SCN2A: variants seen among roughly 807,000 people sequenced by gnomAD.
SCN2A encodes the protein sodium voltage-gated channel alpha subunit 2.
SCN2A carries 20 observed loss-of-function variants against 188.7 expected under a neutral mutation model. The ratio of observed to expected loss-of-function variants is 0.11; its 90% confidence interval spans 0.07 to 0.15. The LOEUF is 0.15. Among genes scored for constraint, SCN2A ranks in the 10% least tolerant of loss-of-function variants. The pLI is 1.00. For synonymous variants in SCN2A, 804 were observed against 833.1 expected (o/e 0.97, Z 0.60); for missense variants, 1,278 against 2,445.0 (o/e 0.52, Z 10.07).
intron 17 of SCN2A, among the ~76,000 whole-genome samples, chr2:165,356,595 C>T (rs2105341154): frequency 6.6e-6 from 1 of 152,302 alleles, no homozygotes; most frequent in African/African-American, 2.4e-5. Flanking sequence ...TAGTTTTAGG[C>T]TGTCATATAA....
intron 7 of SCN2A, 123 bp from the exon 8 acceptor site, chr2:165,311,902 T>A: frequency 2.9e-6 from 2 of 688,742 alleles, no homozygotes; most frequent in Admixed American, 4.2e-5. Context: ...TAGCCATATA[T>A]ATTTATTAGT....
chr2:165,320,553 C>G (rs1294241852), intron 11 of SCN2A, among the ~76,000 whole-genome samples: 1 of 152,214 alleles, frequency 6.6e-6, no homozygotes, highest in Admixed American at 6.5e-5. Context: ...AAACTTCTGC[C>G]TGTACATCCA....
At chr2:165,299,643 G>T (rs917231553) in intron 3 of SCN2A, among the ~76,000 whole-genome samples, 17 of 152,274 alleles carry the variant, frequency 1.1e-4, no homozygotes, top group Non-Finnish European at 2.4e-4. Context: ...AAAGTTAGAG[G>T]TATATAGATG....
At chr2:165,263,886 A>AT (rs35091347) in intron 1 of SCN2A, among the ~76,000 whole-genome samples, 55,349 of 146,058 alleles carry the variant, frequency 0.38, 10,448 homozygotes, top group African/African-American at 0.45. Flanking sequence ...TAAGTATTCT[A>AT]TTTTTTTTTT....
intron 14 of SCN2A, among the ~76,000 whole-genome samples, chr2:165,340,980 G>A (rs1234104678): frequency 6.6e-6 from 1 of 152,188 alleles, no homozygotes; most frequent in Non-Finnish European, 1.5e-5. Context: ...AGACAAGTAT[G>A]CAATCTTCGA....
intron 23 of SCN2A, 33 bp from the exon 24 acceptor site, chr2:165,380,559 G>A (rs765264956): frequency 1.3e-6 from 2 of 1,503,918 alleles, no homozygotes; most frequent in African/African-American, 2.8e-5. Flanking sequence ...ACAAGTACTA[G>A]ATATAATGGT....
At chr2:165,317,456 T>C (rs1388862513) in intron 11 of SCN2A, among the ~76,000 whole-genome samples, 2 of 152,054 alleles carry the variant, frequency 1.3e-5, no homozygotes, top group Admixed American at 1.3e-4. Flanking sequence ...TAAGTTTGTC[T>C]GAATTTTTGC....
intron 3 of SCN2A, 26 bp from the exon 4 acceptor site, chr2:165,307,822 C>T (rs372843137): frequency 1.2e-5 from 18 of 1,514,848 alleles, no homozygotes; most frequent in African/African-American, 2.7e-5. Flanking sequence ...TTCCATTGAA[C>T]TTTGTCTTCC....
chr2:165,339,243 A>G lies in SCN2A; in HGVS notation c.2389-3053A>G, dbSNP rs191587349. On this transcript the variant is annotated intron_variant, in intron 14 of 26. Coordinates refer to ENST00000375437, the MANE Select transcript of SCN2A (RefSeq NM_001040142.2). ...AACTCTGTCTCAAAAAAAAAAAAAG[A>G]AAAAGAAAGAAAACCCTACACCTAA... 2.3e-3 allele frequency among the ~76,000 whole-genome samples: 346 copies of G among 151,496 alleles called. 4 individuals are homozygous for G. The East Asian group carries it at 0.037, about 16-fold the overall frequency.
chr2:165,318,266 G>C (rs2105265780), intron 11 of SCN2A, among the ~76,000 whole-genome samples: 1 of 152,298 alleles, frequency 6.6e-6, no homozygotes, highest in East Asian at 1.9e-4. Flanking sequence ...CTCAGACTCT[G>C]ATTTGACTTG....
intron 3 of SCN2A, among the ~76,000 whole-genome samples, chr2:165,300,791 A>G (rs985004779): frequency 2.6e-5 from 4 of 152,066 alleles, no homozygotes; most frequent in African/African-American, 9.7e-5. Context: ...CACCACATTT[A>G]CTCTGAATGA....
At chr2:165,334,361 G>A (rs996587839) in intron 14 of SCN2A, among the ~76,000 whole-genome samples, 104 of 151,814 alleles carry the variant, frequency 6.9e-4, no homozygotes, top group African/African-American at 2.3e-3. Context: ...TATCCCATAT[G>A]AACATAGGCA....
chr2:165,310,740 A>G (rs1481100022), intron 7 of SCN2A, 145 bp downstream of exon 7: 7 of 504,716 alleles, frequency 1.4e-5, no homozygotes, highest in Non-Finnish European at 2.3e-5. Context: ...GAGATATCAA[A>G]TGATACCTTA....
rs1694952823 is a variant in SCN2A at position 165,268,146 on chromosome 2, C to G, written c.-51-27627C>G. 6 of 152,010 alleles carry G rather than the reference C, an allele frequency of 3.9e-5. No homozygotes were observed. The South Asian group carries it at 1.2e-3, about 32-fold the overall frequency. 9.4% of individuals were successfully genotyped at this position (152,010 alleles called of 1,614,324 possible). On this transcript the variant is annotated intron_variant, in intron 1 of 26. Coordinates refer to ENST00000375437, the MANE Select transcript of SCN2A (RefSeq NM_001040142.2). ...GGTACCAACCCTACTGCAACTATTT[C>G]ACAAGATAGAGAAAGAAGGAATCCA... is the stretch of plus-strand genomic sequence containing the variant.
intron 1 of SCN2A, chr2:165,290,702 T>C (rs928849645): frequency 2.8e-5 from 24 of 867,746 alleles, no homozygotes; most frequent in Non-Finnish European, 3.3e-5. Flanking sequence ...GATTTGATAA[T>C]TGAAGTTGAC....
intron 17 of SCN2A, among the ~76,000 whole-genome samples, chr2:165,358,606 G>A (rs1325573366): frequency 2.0e-5 from 3 of 152,068 alleles, no homozygotes; most frequent in Non-Finnish European, 4.4e-5. Context: ...AATAATAATA[G>A]TGATAATGAG....
At chr2:165,356,373 T>C (rs73969378) in intron 17 of SCN2A, among the ~76,000 whole-genome samples, 2,508 of 152,300 alleles carry the variant, frequency 0.016, 66 homozygotes, top group African/African-American at 0.053. Context: ...GAACAAGTGT[T>C]GTTACAATAG....
At chr2:165,316,387 T>C (rs1237812948) in intron 11 of SCN2A, among the ~76,000 whole-genome samples, 1 of 152,210 alleles carries the variant, frequency 6.6e-6, no homozygotes, top group African/African-American at 2.4e-5. Flanking sequence ...ATTTATAAAC[T>C]GCAACAAATA....
chr2:165,266,464 C>T (rs934072082), intron 1 of SCN2A: 4 of 152,142 alleles, frequency 2.6e-5, no homozygotes, highest in South Asian at 2.1e-4. Flanking sequence ...GAGTAAGGGC[C>T]GGGAAAGCCA....
Sources: allele counts gnomAD v4.1 joint callset (sites outside exome capture counted in the v4.1 genomes callset), GRCh38; gene constraint gnomAD v4.1.1; transcripts MANE v1.5; gene names NCBI Gene and HGNC (gene_info 2026-07-23, HGNC 2026-07-21).